Variants in HMGN5 observed in about 807,000 individuals in gnomAD.
The protein encoded by HMGN5 is high mobility group nucleosome binding domain 5.
A neutral mutation model predicts 9.5 loss-of-function variants in HMGN5; 4 were observed. The ratio of observed to expected loss-of-function variants is 0.42; its 90% CI spans 0.21 to 0.96. HMGN5 has a LOEUF of 0.96. HMGN5 is among the 40% of genes least tolerant of loss of function. HMGN5 has a pLI of 0.30. For synonymous variants in HMGN5, 55 were observed against 57.1 expected, an observed-to-expected ratio of 0.96 and a Z score of 0.16; for missense variants, 192 against 187.5, an observed-to-expected ratio of 1.02 and a Z score of -0.14.
intron 1 of HMGN5, among the ~76,000 whole-genome samples, chrX:81,146,221 C>A (rs2075343320): frequency 8.9e-6 from 1 of 111,920 alleles, no homozygotes; most frequent in South Asian, 3.7e-4. Flanking sequence ...CCACATCACA[C>A]TTATTCTAAA....
At chrX:81,117,277 T>TTTTAACA (rs2075256270) in intron 5 of HMGN5, among the ~76,000 whole-genome samples, 1 of 102,732 alleles carries the variant, frequency 9.7e-6, no homozygotes, top group Admixed American at 1.1e-4. Flanking sequence ...TTTTTTTTTT[T>TTTTAACA]GAGACAGGGA....
chrX:81,145,568 C>T (rs768134019), intron 1 of HMGN5, among the ~76,000 whole-genome samples: 139 of 111,765 alleles, frequency 1.2e-3, no homozygotes, highest in Non-Finnish European at 2.3e-3. Context: ...TAAAGACCAT[C>T]GACGCTATGA....
intron 1 of HMGN5, among the ~76,000 whole-genome samples, chrX:81,190,951 TG>T (rs1286617294): frequency 1.8e-5 from 2 of 111,826 alleles, no homozygotes; most frequent in Non-Finnish European, 3.8e-5. Context: ...AATACCACAC[TG>T]TCTTGATTTC....
chrX:81,153,550 CCTCTCTCT>C (rs775237001), intron 1 of HMGN5, among the ~76,000 whole-genome samples: 3 of 4,485 alleles, frequency 6.7e-4, no homozygotes, highest in African/African-American at 9.5e-4. Context: ...CGAAACTCTG[CCTCTCTCT>C]CTCTCTCTCT....
At chrX:81,177,616 G>A (rs2075447130) in intron 1 of HMGN5, among the ~76,000 whole-genome samples, 1 of 109,878 alleles carries the variant, frequency 9.1e-6, no homozygotes, top group Non-Finnish European at 1.9e-5. Context: ...ATAATAATGG[G>A]AGACTTTAAC....
chrX:81,170,656 A>C (rs981122332), intron 1 of HMGN5, among the ~76,000 whole-genome samples: 2 of 111,477 alleles, frequency 1.8e-5, no homozygotes, highest in African/African-American at 6.5e-5. Context: ...TAGTTGATTA[A>C]ATATACCAAT....
At position 81,188,301 on chromosome X, in the gene HMGN5, A is replaced by G. The variant is rs867126130; in HGVS notation, c.-124+13436T>C. Among the ~76,000 whole-genome samples the G allele has an allele frequency of 5.3e-5, 5 of 94,812 alleles. 1 individual carries two copies. The highest frequency in any genetic ancestry group is 3.4e-4 in the Admixed American group (3 of 8,872). The allele number at this position is 94,812 out of a possible 115,157, so 82.3% of individuals were successfully genotyped here. ...TATTATTATTATTATTATTATTATT[A>G]TTGTTATTGTACTGATGGGGTTTTG... On this transcript the variant is annotated intron_variant, in intron 1 of 6. Transcript: ENST00000358130.
chrX:81,177,367 CAAAAAAAAAAAAAAAAAAAA>C (rs148090852), intron 1 of HMGN5, among the ~76,000 whole-genome samples: 152 of 10,696 alleles, frequency 0.014, 6 homozygotes, highest in Admixed American at 0.058. Flanking sequence ...AAATGGAAAG[CAAAAAAAAAAAAAAAAAAAA>C]AAAAAAAAAA....
At chrX:81,166,048 G>A (rs2075410270) in intron 1 of HMGN5, among the ~76,000 whole-genome samples, 1 of 110,732 alleles carries the variant, frequency 9.0e-6, no homozygotes, top group South Asian at 3.8e-4. Context: ...CTTGTGCATT[G>A]TATAGTGTTT....
intron 1 of HMGN5, among the ~76,000 whole-genome samples, chrX:81,178,574 T>TA (rs775247485): frequency 1.1e-4 from 12 of 110,405 alleles, no homozygotes; most frequent in African/African-American, 3.9e-4. Context: ...ATTACAACCA[T>TA]AAAAAGTCCA....
At chrX:81,121,409 C>T in intron 2 of HMGN5, 126 bp downstream of exon 2, 1 of 673,171 alleles carries the variant, frequency 1.5e-6, no homozygotes, top group Admixed American at 2.4e-5. Flanking sequence ...CTTTCCGTTT[C>T]ATTACATCAC....
At chrX:81,141,206 C>T (rs1165895185) in intron 1 of HMGN5, among the ~76,000 whole-genome samples, 1 of 111,845 alleles carries the variant, frequency 8.9e-6, no homozygotes, top group Non-Finnish European at 1.9e-5. Context: ...CCAGATAGCA[C>T]CTCTGGATTC....
intron 1 of HMGN5, among the ~76,000 whole-genome samples, chrX:81,178,691 A>T (rs1341005939): frequency 8.9e-6 from 1 of 111,984 alleles, no homozygotes; most frequent in African/African-American, 3.2e-5. Context: ...ATCCTTGCTA[A>T]CTCATTTTGT....
chrX:81,193,805 T>C (rs927852446), intron 1 of HMGN5, among the ~76,000 whole-genome samples: 43 of 112,131 alleles, frequency 3.8e-4, no homozygotes, highest in African/African-American at 1.3e-3. Context: ...CAATTGTATT[T>C]GTATATTGCG....
intron 1 of HMGN5, among the ~76,000 whole-genome samples, chrX:81,158,931 C>T (rs976962579): frequency 4.5e-5 from 5 of 111,350 alleles, no homozygotes; most frequent in African/African-American, 1.3e-4. Flanking sequence ...CATACATGCA[C>T]GTGTATGTTC....
rs1345932339 is a variant in HMGN5, at chrX:81,201,892, A to C, written c.-279T>G. The C allele has an allele frequency of 1.0e-5, 3 of 300,882 alleles. No individual in the cohort carries two copies. In the East Asian group the frequency reaches 2.1e-4, roughly 21 times the overall value. 24.8% of individuals were successfully genotyped at this position (300,882 alleles called of 1,213,427 possible). On this transcript the variant is annotated 5_prime_UTR_variant, in exon 1 of 7. Transcript: ENST00000358130. ...TTCTTCTTCTCCTCGCCCTCTTCTC[A>C]GGGAAGGAATCGTCAAAAATCAATG... is the stretch of plus-strand genomic sequence containing the variant.
chrX:81,188,289 A>G (rs2075483407), intron 1 of HMGN5, among the ~76,000 whole-genome samples: 1 of 102,622 alleles, frequency 9.7e-6, no homozygotes, highest in African/African-American at 3.5e-5. Flanking sequence ...TATTATTATT[A>G]TTATTATTAT....
chrX:81,127,914 A>T (rs1201907424), intron 1 of HMGN5, among the ~76,000 whole-genome samples: 1 of 111,552 alleles, frequency 9.0e-6, no homozygotes, highest in Non-Finnish European at 1.9e-5. Flanking sequence ...CAACAAAGGT[A>T]TTAAATTTTA....
chrX:81,115,304 G>A, intron 6 of HMGN5, 74 bp from the exon 7 acceptor site: 2 of 989,152 alleles, frequency 2.0e-6, no homozygotes, highest in Non-Finnish European at 2.6e-6. Context: ...TATTTACACT[G>A]GATTATATCT....
Sources: allele counts gnomAD v4.1 joint callset (sites outside exome capture counted in the v4.1 genomes callset), GRCh38; gene constraint gnomAD v4.1.1; transcripts MANE v1.5; gene names NCBI Gene and HGNC (gene_info 2026-07-23, HGNC 2026-07-21).